Variants in PLCE1 observed in about 807,000 individuals in gnomAD.
PLCE1 encodes the protein 1-phosphatidylinositol 4,5-bisphosphate phosphodiesterase epsilon-1.
A neutral mutation model predicts 242.8 loss-of-function variants in PLCE1; 119 were observed. The ratio of observed to expected loss-of-function variants is 0.49; its 90% CI spans 0.42 to 0.57. The LOEUF is 0.57. Among genes scored for constraint, PLCE1 ranks in the 20% least tolerant of loss-of-function variants. The probability of loss-of-function intolerance (pLI) is 0.00; values close to 1 mark genes in which losing one functional copy is unlikely to be tolerated. For missense variants in PLCE1, 2,441 were observed against 2,788.8 expected (o/e 0.88, Z 2.81); for synonymous variants, 945 against 1,017.4 (o/e 0.93, Z 1.35).
At chr10:94,198,157 G>C (rs2048883699) in intron 4 of PLCE1, among the ~76,000 whole-genome samples, 1 of 152,056 alleles carries the variant, frequency 6.6e-6, no homozygotes, top group African/African-American at 2.4e-5. Flanking sequence ...TATGCTAGGT[G>C]GGGGAAGTAA....
chr10:94,154,819 G>T (rs947136497), intron 3 of PLCE1, among the ~76,000 whole-genome samples: 1 of 151,300 alleles, frequency 6.6e-6, no homozygotes, highest in Non-Finnish European at 1.5e-5. Flanking sequence ...TGGAAAGATT[G>T]CTTGAGGCCA....
intron 3 of PLCE1, 112 bp downstream of exon 3, chr10:94,132,571 A>G (rs2046634337): frequency 2.8e-6 from 3 of 1,058,464 alleles, no homozygotes; most frequent in Non-Finnish European, 4.3e-6. Flanking sequence ...CAGCAACTTT[A>G]AGTAAAAGTC....
intron 2 of PLCE1, among the ~76,000 whole-genome samples, chr10:94,080,478 G>A (rs2044624697): frequency 6.6e-6 from 1 of 152,206 alleles, no homozygotes; most frequent in Admixed American, 6.5e-5. Context: ...CAGGGACCAA[G>A]TAAAATGTTT....
At chr10:94,292,296 C>T (rs1450777091) in intron 22 of PLCE1, among the ~76,000 whole-genome samples, 1 of 152,062 alleles carries the variant, frequency 6.6e-6, no homozygotes, top group African/African-American at 2.4e-5. Context: ...GTTGAGCATC[C>T]CTAATCCAAA....
At chr10:94,274,085 G>A (rs1332730161) in intron 19 of PLCE1, among the ~76,000 whole-genome samples, 1 of 152,158 alleles carries the variant, frequency 6.6e-6, no homozygotes, top group Non-Finnish European at 1.5e-5. Context: ...TTGGCATGGG[G>A]CCTGTAGTAG....
In PLCE1 at chr10:94,324,898, C is replaced by T. The variant is rs1317588208; in HGVS notation, c.6727C>T (p.Arg2243Ter). 5 of 1,614,002 alleles carry T rather than the reference C, an allele frequency of 3.1e-6. No individual in the cohort carries two copies. Among genetic ancestry groups the T allele is most frequent in the South Asian group, 1.1e-5 (1 of 91,056 alleles). Reference sequence around the variant, plus strand: ...AGGTTCTTTGTTCCCACAGGCATCTCGAGAAGATAAAAAGAAAGGCATTTC... The same window carrying T: ...AGGTTCTTTGTTCCCACAGGCATCTTGAGAAGATAAAAAGAAAGGCATTTC... ...LKLKEQVQAS[R>*]EDKKKGISFA... Residue 2243 changes from arginine (R) to a stop codon, truncating the protein, a stop_gained, in exon 32 of 33, where the codon CGA becomes TGA. Transcript: ENST00000371380. LOFTEE classifies it high-confidence loss of function.
At chr10:94,053,016 G>A (rs1045432334) in intron 2 of PLCE1, among the ~76,000 whole-genome samples, 3 of 152,148 alleles carry the variant, frequency 2.0e-5, no homozygotes, top group Admixed American at 6.5e-5. Flanking sequence ...AACCTGAAGC[G>A]TACTGTCCCA....
At chr10:94,284,559 G>A (rs532873058) in intron 21 of PLCE1, among the ~76,000 whole-genome samples, 143 of 152,236 alleles carry the variant, frequency 9.4e-4, no homozygotes, top group African/African-American at 2.8e-3. Flanking sequence ...TTTGAGCCAC[G>A]GAAGATACAT....
At chr10:94,033,487 GTTACTA>G (rs1301719395) in intron 2 of PLCE1, among the ~76,000 whole-genome samples, 1 of 152,082 alleles carries the variant, frequency 6.6e-6, no homozygotes, top group African/African-American at 2.4e-5. Flanking sequence ...CAAGATCACA[GTTACTA>G]TTACTACTAC....
At chr10:94,063,580 T>C (rs1162666573) in intron 2 of PLCE1, among the ~76,000 whole-genome samples, 1 of 152,218 alleles carries the variant, frequency 6.6e-6, no homozygotes, top group Non-Finnish European at 1.5e-5. Context: ...CTTGTCCTTA[T>C]TTATTGATTC....
intron 2 of PLCE1, among the ~76,000 whole-genome samples, chr10:94,051,681 G>A (rs1423161560): frequency 6.6e-6 from 1 of 152,144 alleles, no homozygotes; most frequent in African/African-American, 2.4e-5. Context: ...GAATTGAAAT[G>A]CGCTGGAACT....
At position 94,176,165 on chromosome 10, in the gene PLCE1, G is replaced by A. The variant is rs189656405; in HGVS notation, c.1809+4669G>A. ...TATAATCCTAGCAATTTGGGAGCCT[G>A]AGGCAGGCAGATGGCCTGAGCCCAG... On this transcript the variant is annotated intron_variant, in intron 4 of 32. Coordinates refer to ENST00000371380, the MANE Select transcript of PLCE1 (RefSeq NM_016341.4). 3.3e-5 allele frequency among the ~76,000 whole-genome samples: 5 copies of A among 152,306 alleles called. No individual in the cohort carries two copies. The East Asian group carries it at 9.7e-4, about 29-fold the overall frequency.
chr10:94,106,916 C>CTCTCTCTCTCTT (rs2135560902), intron 2 of PLCE1, among the ~76,000 whole-genome samples: 1 of 111,002 alleles, frequency 9.0e-6, no homozygotes, highest in African/African-American at 3.2e-5. Context: ...TCTTGTTTCT[C>CTCTCTCTCTCTT]TCTCTCTCTC....
chr10:94,120,138 C>T (rs191657766), intron 2 of PLCE1, among the ~76,000 whole-genome samples: 5 of 152,314 alleles, frequency 3.3e-5, no homozygotes, highest in African/African-American at 1.2e-4. Flanking sequence ...CTCCTCCATC[C>T]TGTCTGGGAG....
chr10:94,167,117 C>T lies in PLCE1; in HGVS notation c.1493-4063C>T, dbSNP rs185115119. The stretch of plus-strand genomic sequence containing the variant: ...CCAGCCTGGCCAACATGGCGAAACC[C>T]TGTGTCTACTAAAAAATACAAATAT... On this transcript the variant is annotated intron_variant, in intron 3 of 32. Transcript: ENST00000371380. Among the ~76,000 whole-genome samples the T allele has an allele frequency of 1.9e-3, 295 of 152,302 alleles. 1 individual carries two copies. Among genetic ancestry groups the T allele is most frequent in the Non-Finnish European group, 3.2e-3 (218 of 68,030 alleles).
intron 2 of PLCE1, among the ~76,000 whole-genome samples, chr10:94,039,833 A>G (rs2061732352): frequency 6.6e-6 from 1 of 152,198 alleles, no homozygotes; most frequent in Non-Finnish European, 1.5e-5. Flanking sequence ...GCTCTTAGCC[A>G]TTTGTATATC....
chr10:94,061,223 A>G (rs1276564401), intron 2 of PLCE1, among the ~76,000 whole-genome samples: 1 of 152,164 alleles, frequency 6.6e-6, no homozygotes, highest in Non-Finnish European at 1.5e-5. Flanking sequence ...ACTTAGACAA[A>G]GCTCAGGAAA....
At chr10:94,040,497 A>G (rs1564641573) in intron 2 of PLCE1, among the ~76,000 whole-genome samples, 2 of 152,230 alleles carry the variant, frequency 1.3e-5, no homozygotes, top group Non-Finnish European at 2.9e-5. Context: ...CCACATCACA[A>G]TAATGCACTC....
At chr10:94,142,350 C>CA (rs5787101) in intron 3 of PLCE1, among the ~76,000 whole-genome samples, 104,327 of 119,326 alleles carry the variant, frequency 0.87, 46,433 homozygotes, top group South Asian at 0.96. Context: ...GATGCTGTCT[C>CA]AAAAAAAAAA....
Sources: gnomAD v4.1 joint callset for allele counts (sites outside exome capture counted in the v4.1 genomes callset) on GRCh38, gnomAD v4.1.1 for gene constraint, MANE v1.5 for transcripts, NCBI Gene and HGNC (gene_info 2026-07-23, HGNC 2026-07-21) for gene names.